The following GAS2 variants were observed in gnomAD, a reference collection of about 807,000 sequenced individuals.
GAS2 encodes the protein growth arrest specific 2, also known as growth arrest-specific protein 2.
GAS2 carries 20 observed loss-of-function variants against 37.5 expected under a neutral mutation model. That is an observed-to-expected ratio of 0.53 (90% CI 0.37 to 0.77). The LOEUF is 0.77. GAS2 is among the 30% of genes least tolerant of loss of function. The pLI, the probability that GAS2 is intolerant of heterozygous loss-of-function variation, is 0.00. For synonymous variants in GAS2, 144 were observed against 132.2 expected, an observed-to-expected ratio of 1.09 and a Z score of -0.61; for missense variants, 336 against 373.4, an observed-to-expected ratio of 0.90 and a Z score of 0.82.
chr11:22,793,809 G>C (rs1162488731), intron 7 of GAS2, among the ~76,000 whole-genome samples: 1 of 152,146 alleles, frequency 6.6e-6, no homozygotes, highest in Non-Finnish European at 1.5e-5. Flanking sequence ...TATGAAAATA[G>C]TTTAAAAAGT....
At chr11:22,643,029 C>A (rs1170120784) in intron 1 of GAS2, among the ~76,000 whole-genome samples, 5 of 151,980 alleles carry the variant, frequency 3.3e-5, no homozygotes, top group Admixed American at 3.3e-4. Flanking sequence ...ATTTTGGCTC[C>A]ATTTTATCTC....
intron 3 of GAS2, among the ~76,000 whole-genome samples, chr11:22,715,400 G>A (rs144515940): frequency 0.011 from 1,511 of 131,936 alleles, 12 homozygotes; most frequent in Non-Finnish European, 0.018. Context: ...GGCGGAGGTT[G>A]CAGTGAGCTG....
chr11:22,732,811 T>TCACCAC (rs1554975917), intron 4 of GAS2, among the ~76,000 whole-genome samples: 2 of 148,564 alleles, frequency 1.3e-5, no homozygotes, highest in African/African-American at 4.9e-5. Context: ...ATCATCATCA[T>TCACCAC]CACCACCACC....
intron 2 of GAS2, among the ~76,000 whole-genome samples, chr11:22,680,292 G>A (rs1325422316): frequency 6.6e-6 from 1 of 152,136 alleles, no homozygotes; most frequent in Non-Finnish European, 1.5e-5. Context: ...AATTTTGTAT[G>A]TGACTTGTGC....
intron 7 of GAS2, among the ~76,000 whole-genome samples, chr11:22,777,489 A>C (rs936620544): frequency 4.6e-5 from 7 of 152,182 alleles, no homozygotes; most frequent in African/African-American, 1.7e-4. Flanking sequence ...CTAGACACTG[A>C]TGAATTGTGA....
At chr11:22,725,899 T>C (rs1209946059) in intron 3 of GAS2, among the ~76,000 whole-genome samples, 1 of 152,176 alleles carries the variant, frequency 6.6e-6, no homozygotes, top group Admixed American at 6.6e-5. Context: ...GTATATCATA[T>C]TCATATATTT....
Position 22,711,318 on chromosome 11 carries a change from T to TC in GAS2, c.268-14972dup, listed in dbSNP as rs569871405. On this transcript the variant is annotated intron_variant, in intron 3 of 7. Coordinates refer to ENST00000454584, the MANE Select transcript of GAS2 (RefSeq NM_001143830.3). ...CAGCCAGAAGAGTCCCATAGGCACT[T>TC]CCAGTCTTCAAGTGAAGTCCAGGGA... 2.9e-3 allele frequency among the ~76,000 whole-genome samples: 449 copies of TC among 152,316 alleles called. 2 individuals carry two copies. Among genetic ancestry groups the TC allele is most frequent in the Non-Finnish European group, 4.7e-3 (317 of 68,030 alleles).
At chr11:22,676,232 A>G (rs1444166780) in intron 2 of GAS2, among the ~76,000 whole-genome samples, 2 of 152,110 alleles carry the variant, frequency 1.3e-5, no homozygotes, top group Admixed American at 1.3e-4. Context: ...AAGGGGCTAC[A>G]CCTTTCAGTA....
chr11:22,759,252 A>G (rs1490895979), intron 7 of GAS2, among the ~76,000 whole-genome samples: 2 of 152,218 alleles, frequency 1.3e-5, no homozygotes, highest in Non-Finnish European at 2.9e-5. Context: ...GTTTCTGGAA[A>G]CCAATGTATG....
At chr11:22,810,672 G>A (rs1335935437) in intron 7 of GAS2, among the ~76,000 whole-genome samples, 4 of 152,080 alleles carry the variant, frequency 2.6e-5, no homozygotes, top group Admixed American at 6.6e-5. Flanking sequence ...ATGAAGTTCT[G>A]TGAAACCCCC....
intron 1 of GAS2, among the ~76,000 whole-genome samples, chr11:22,673,259 T>G (rs77135309): frequency 0.021 from 3,192 of 152,298 alleles, 104 homozygotes; most frequent in African/African-American, 0.073. Context: ...AAGCAATATT[T>G]AAAATAAATT....
At chr11:22,774,752 A>G (rs1469541411) in intron 7 of GAS2, among the ~76,000 whole-genome samples, 1 of 151,844 alleles carries the variant, frequency 6.6e-6, no homozygotes, top group Non-Finnish European at 1.5e-5. Flanking sequence ...TGAAGTTGCC[A>G]GTAGAGTTTA....
rs144452087 is a variant in GAS2 at position 22,687,260 on chromosome 11, G to A, written c.267+1471G>A. ...CAGGTTCAATTGAGCCCAGGAGGTTGAGGTTGCAGTGAGCCAAGATCACAA... is the reference window on the plus strand; with the variant it reads ...CAGGTTCAATTGAGCCCAGGAGGTTAAGGTTGCAGTGAGCCAAGATCACAA... On this transcript the variant is annotated intron_variant, in intron 3 of 7. Transcript: ENST00000454584. Among the ~76,000 whole-genome samples, 213 of 152,112 alleles carry A rather than the reference G, an allele frequency of 1.4e-3. 2 individuals are homozygous for A. Among genetic ancestry groups the A allele is most frequent in the African/African-American group, 4.1e-3 (170 of 41,500 alleles).
At chr11:22,757,888 G>A (rs571580893) in intron 7 of GAS2, among the ~76,000 whole-genome samples, 1 of 152,154 alleles carries the variant, frequency 6.6e-6, no homozygotes, top group African/African-American at 2.4e-5. Context: ...AAAGGCTCCT[G>A]TCTATGTGTC....
At chr11:22,700,620 A>T (rs188021918) in intron 3 of GAS2, among the ~76,000 whole-genome samples, 1 of 152,304 alleles carries the variant, frequency 6.6e-6, no homozygotes, top group East Asian at 1.9e-4. Context: ...ATGTTATTAT[A>T]TAGTGACATG....
Position 22,755,832 on chromosome 11 carries a change from CTCT to C in GAS2, c.616-10_616-8del. On this transcript the variant is annotated splice_polypyrimidine_tract_variant and intron_variant, in intron 6 of 7. Coordinates refer to ENST00000454584, the MANE Select transcript of GAS2 (RefSeq NM_001143830.3). The stretch of plus-strand genomic sequence containing the variant: ...TAATTAAGACAAATGAATGTGCCTG[CTCT>C]TCTATTTCAGGTGAAACGAATTTCT... 2 of 1,591,122 alleles carry C rather than the reference CTCT, an allele frequency of 1.3e-6. No individual in the cohort carries two copies. The highest frequency in any genetic ancestry group is 2.2e-5 in the South Asian group (2 of 90,370).
At chr11:22,792,753 C>CA (rs1856232724) in intron 7 of GAS2, among the ~76,000 whole-genome samples, 1 of 152,186 alleles carries the variant, frequency 6.6e-6, no homozygotes, top group South Asian at 2.1e-4. Context: ...AGCTCTGAAG[C>CA]AAGGGTGGAT....
At chr11:22,754,964 A>G (rs944414996) in intron 6 of GAS2, among the ~76,000 whole-genome samples, 21 of 152,122 alleles carry the variant, frequency 1.4e-4, no homozygotes, top group African/African-American at 5.1e-4. Flanking sequence ...TCCTCAAAAC[A>G]CAGGAGATTA....
At chr11:22,640,648 A>G (rs1022645003) in intron 1 of GAS2, among the ~76,000 whole-genome samples, 2 of 152,202 alleles carry the variant, frequency 1.3e-5, no homozygotes, top group African/African-American at 4.8e-5. Flanking sequence ...AGCAAGCTTA[A>G]TTTCTCTCTT....
Sources: gnomAD v4.1 joint callset for allele counts (sites outside exome capture counted in the v4.1 genomes callset) on GRCh38, gnomAD v4.1.1 for gene constraint, MANE v1.5 for transcripts, NCBI Gene and HGNC (gene_info 2026-07-23, HGNC 2026-07-21) for gene names.